Variants in DDX31 observed in about 807,000 individuals in gnomAD.
DDX31 encodes the protein DEAD-box helicase 31.
DDX31 carries 70 observed loss-of-function variants against 91.3 expected under a neutral mutation model. The ratio of observed to expected loss-of-function variants is 0.77; its 90% CI spans 0.63 to 0.94. DDX31 has a LOEUF of 0.94. Ranked by LOEUF, DDX31 falls within the 40% of genes least tolerant of loss-of-function variation. DDX31 has a pLI of 0.00. For missense variants in DDX31, 902 were observed against 925.0 expected, an observed-to-expected ratio of 0.98 and a Z score of 0.32; for synonymous variants, 362 against 350.6, an observed-to-expected ratio of 1.03 and a Z score of -0.36.
intron 14 of DDX31, 45 bp downstream of exon 14, chr9:132,641,958 CA>C: frequency 6.3e-7 from 1 of 1,577,464 alleles, no homozygotes; most frequent in Non-Finnish European, 8.7e-7. Context: ...ACACAGCCAT[CA>C]CAGAAATGTA....
At chr9:132,613,155 A>T (rs571739) in intron 18 of DDX31, among the ~76,000 whole-genome samples, 91,113 of 151,998 alleles carry the variant, frequency 0.6, 29,923 homozygotes, top group African/African-American at 0.87. Flanking sequence ...GTGCTTGGGA[A>T]TACAAGTGTG....
intron 19 of DDX31, among the ~76,000 whole-genome samples, chr9:132,604,658 C>G (rs527794889): frequency 1.3e-5 from 2 of 152,296 alleles, no homozygotes; most frequent in East Asian, 3.9e-4. Flanking sequence ...TACTGAAACA[C>G]GGTCTCCTGG....
intron 1 of DDX31, chr9:132,669,492 G>C: frequency 9.4e-7 from 1 of 1,061,176 alleles, no homozygotes; most frequent in Non-Finnish European, 1.3e-6. Flanking sequence ...TCAGAGCTTA[G>C]TCCGCACTCA....
At chr9:132,645,249 T>C (rs1833751250) in intron 13 of DDX31, among the ~76,000 whole-genome samples, 1 of 152,096 alleles carries the variant, frequency 6.6e-6, no homozygotes, top group Non-Finnish European at 1.5e-5. Context: ...ACGGCCTAGT[T>C]AAGAGTGGAG....
At chr9:132,669,702 G>C (rs1043032272) in intron 1 of DDX31, 158 bp downstream of exon 1, 1 of 1,533,318 alleles carries the variant, frequency 6.5e-7, no homozygotes. Context: ...TTAGAGACAC[G>C]TGTTTCGGCG....
intron 14 of DDX31, among the ~76,000 whole-genome samples, chr9:132,635,261 G>A (rs1002130466): frequency 6.6e-6 from 1 of 152,060 alleles, no homozygotes; most frequent in Non-Finnish European, 1.5e-5. Flanking sequence ...CATGCGAATA[G>A]CATGGTCCTG....
rs544132939 is a variant in DDX31 at position 132,631,651 on chromosome 9, T to C, written c.1491+390A>G. ...GTGTAAGATGCTGTCAGGAACTTAA[T>C]TGCTCCCTGCAGGTCAACGTACACG... On this transcript the variant is annotated intron_variant, in intron 15 of 19. Coordinates refer to ENST00000372159, the MANE Select transcript of DDX31 (RefSeq NM_022779.9). 1.5e-4 allele frequency among the ~76,000 whole-genome samples: 23 copies of C among 152,328 alleles called. No homozygotes were observed. The South Asian group carries it at 4.6e-3, about 30-fold the overall frequency.
At chr9:132,628,470 T>C (rs913076746) in intron 16 of DDX31, among the ~76,000 whole-genome samples, 3 of 152,276 alleles carry the variant, frequency 2.0e-5, no homozygotes. Context: ...TGTTATGTCT[T>C]TAAAATATAC....
intron 19 of DDX31, among the ~76,000 whole-genome samples, chr9:132,608,764 C>T (rs943360075): frequency 6.6e-6 from 1 of 152,166 alleles, no homozygotes; most frequent in Non-Finnish European, 1.5e-5. Context: ...TCAGAGGAGA[C>T]GTTTCAGCTC....
intron 14 of DDX31, among the ~76,000 whole-genome samples, chr9:132,634,730 G>A (rs2987300): frequency 2.0e-5 from 3 of 151,664 alleles, no homozygotes; most frequent in Non-Finnish European, 2.9e-5. Context: ...GTAGCTGGAC[G>A]ACCAGAGGTA....
At chr9:132,658,065 G>A (rs1254535617) in intron 6 of DDX31, 2 of 507,168 alleles carry the variant, frequency 3.9e-6, no homozygotes, top group Admixed American at 3.2e-5. Flanking sequence ...ATACAACACA[G>A]ACTCAAGCAT....
At chr9:132,668,668 C>G (rs1310520396) in intron 1 of DDX31, among the ~76,000 whole-genome samples, 1 of 151,616 alleles carries the variant, frequency 6.6e-6, no homozygotes, top group Non-Finnish European at 1.5e-5. Flanking sequence ...CCTGGGTTCA[C>G]GCCATTCTCC....
At chr9:132,618,850 G>T (rs377154035) in intron 17 of DDX31, among the ~76,000 whole-genome samples, 1 of 152,172 alleles carries the variant, frequency 6.6e-6, no homozygotes, top group Non-Finnish European at 1.5e-5. Flanking sequence ...GTGGAACACC[G>T]ACAATTTCTC....
chr9:132,627,599 A>C (rs1832473107), intron 16 of DDX31, among the ~76,000 whole-genome samples: 1 of 152,270 alleles, frequency 6.6e-6, no homozygotes, highest in Non-Finnish European at 1.5e-5. Context: ...TTTCATTAGA[A>C]ACACATTTAA....
chr9:132,617,780 T>A (rs1831740108), intron 18 of DDX31, among the ~76,000 whole-genome samples: 1 of 152,246 alleles, frequency 6.6e-6, no homozygotes, highest in African/African-American at 2.4e-5. Context: ...TGTATGGTGA[T>A]CCCAGGAGCC....
intron 14 of DDX31, among the ~76,000 whole-genome samples, chr9:132,633,714 AGGAAG>A (rs1336492585): frequency 3.3e-5 from 5 of 152,124 alleles, no homozygotes. Context: ...GGAAAAGAAG[AGGAAG>A]GACAGGATAA....
At chr9:132,642,834 A>AT (rs764596713) in intron 13 of DDX31, among the ~76,000 whole-genome samples, 2,866 of 142,430 alleles carry the variant, frequency 0.02, 69 homozygotes, top group Admixed American at 0.073. Context: ...GTTGTCTCTG[A>AT]TTTTTTTTTT....
chr9:132,647,054 T>C lies in DDX31; in HGVS notation c.972A>G (p.Val324=). 1 of 1,604,562 alleles carries C rather than the reference T, an allele frequency of 6.2e-7. No individual in the cohort carries two copies. The highest frequency in any genetic ancestry group is 8.5e-7 in the Non-Finnish European group (1 of 1,175,376). ...GCAAACTGATATCAGCTAGCCGCGT[T>C]ACACCTTGGATAAAAGTAAGAAGGG... is the stretch of plus-strand genomic sequence containing the variant. ...VLLSATLTEG[V]TRLADISLHD... is the part of the protein sequence containing the mutation. Residue 324 remains valine, a synonymous_variant, in exon 12 of 20, where the codon GTA becomes GTG. Coordinates refer to ENST00000372159, the MANE Select transcript of DDX31 (RefSeq NM_022779.9).
Position 132,594,935 on chromosome 9 carries a change from C to T in DDX31, c.2172G>A (p.Gly724=), listed in dbSNP as rs1433416146. 1.2e-6 allele frequency: 2 copies of T among 1,614,168 alleles called. No homozygotes were observed. Among genetic ancestry groups the T allele is most frequent in the Non-Finnish European group, 8.5e-7 (1 of 1,180,032 alleles). Residue 724 remains glycine (G), a synonymous_variant, in exon 20 of 20, where the codon GGG becomes GGA. Coordinates refer to ENST00000372159, the MANE Select transcript of DDX31 (RefSeq NM_022779.9). Reference sequence around the variant, plus strand: ...GGGTTTTTCTCCATTTTAATGTTTTCCCACGGCCAAAGCAGGGTGTCGGCT... The same window carrying T: ...GGGTTTTTCTCCATTTTAATGTTTTTCCACGGCCAAAGCAGGGTGTCGGCT... ...SLQPTPCFGR[G]KTLKWRKTQK...
Sources: allele counts gnomAD v4.1 joint callset (sites outside exome capture counted in the v4.1 genomes callset), GRCh38; gene constraint gnomAD v4.1.1; transcripts MANE v1.5; gene names NCBI Gene and HGNC (gene_info 2026-07-23, HGNC 2026-07-21).